Variants in CLMN observed in about 807,000 individuals in gnomAD.
The protein encoded by CLMN is calmin (calponin-like, transmembrane).
CLMN carries 57 observed loss-of-function variants against 92.7 expected under a neutral mutation model. The ratio of observed to expected loss-of-function variants is 0.61; its 90% CI spans 0.50 to 0.77. CLMN has a LOEUF of 0.77. Among genes scored for constraint, CLMN ranks in the 30% least tolerant of loss-of-function variants. CLMN has a pLI of 0.00. For missense variants in CLMN, 1,158 were observed against 1,237.5 expected, an observed-to-expected ratio of 0.94 and a Z score of 0.96; for synonymous variants, 466 against 470.6, an observed-to-expected ratio of 0.99 and a Z score of 0.13.
chr14:95,230,009 T>C, intron 2 of CLMN, 63 bp downstream of exon 2: 2 of 1,507,224 alleles, frequency 1.3e-6, no homozygotes, highest in South Asian at 2.2e-5. Context: ...CTCCACTCTC[T>C]GGAACTGTAA....
intron 1 of CLMN, among the ~76,000 whole-genome samples, chr14:95,278,198 G>A (rs1483130840): frequency 3.9e-5 from 6 of 152,196 alleles, no homozygotes; most frequent in Non-Finnish European, 8.8e-5. Context: ...GGTTTCACCT[G>A]GGAGGTTACC....
chr14:95,192,019 G>A lies in CLMN; in HGVS notation c.2841-287C>T, dbSNP rs116105199. On this transcript the variant is annotated intron_variant, in intron 12 of 12. Transcript: ENST00000298912. ...TGCAGATGGACACACTGAGGCTTTCGGGGTGGAGTGACTTGCCCAAGGCCA... is the reference window on the plus strand; with the variant it reads ...TGCAGATGGACACACTGAGGCTTTCAGGGTGGAGTGACTTGCCCAAGGCCA... 1.2e-3 allele frequency: 346 copies of A among 289,336 alleles called. 3 individuals carry two copies. Among genetic ancestry groups the A allele is most frequent in the African/African-American group, 7.1e-3 (326 of 45,914 alleles). The allele number at this position is 289,336 out of a possible 1,614,324, so 17.9% of individuals were successfully genotyped here. A position where few individuals can be genotyped will look rare whatever the true frequency, so the allele number is the denominator to read the frequency against.
intron 8 of CLMN, among the ~76,000 whole-genome samples, chr14:95,207,847 C>T (rs975221077): frequency 6.6e-6 from 1 of 152,162 alleles, no homozygotes; most frequent in African/African-American, 2.4e-5. Flanking sequence ...CTGGGAAGTT[C>T]TTCTGTACAA....
intron 1 of CLMN, among the ~76,000 whole-genome samples, chr14:95,248,451 T>TAA (rs574798449): frequency 9.7e-4 from 148 of 152,166 alleles, no homozygotes; most frequent in African/African-American, 3.3e-3. Context: ...GAGAGCGAGG[T>TAA]TTGAACCCCA....
chr14:95,270,937 A>T (rs2140720923), intron 1 of CLMN, among the ~76,000 whole-genome samples: 1 of 152,306 alleles, frequency 6.6e-6, no homozygotes, highest in African/African-American at 2.4e-5. Flanking sequence ...CTAGCAGTGC[A>T]TTGGGGTTCT....
At chr14:95,245,339 G>A (rs1016659026) in intron 1 of CLMN, among the ~76,000 whole-genome samples, 1 of 126,370 alleles carries the variant, frequency 7.9e-6, no homozygotes, top group African/African-American at 3.1e-5. Flanking sequence ...AAATGTCCAA[G>A]AATGTAGAGT....
In CLMN at chr14:95,212,352, G is replaced by A. The variant is rs545617747; in HGVS notation, c.608+867C>T. Among the ~76,000 whole-genome samples the A allele has an allele frequency of 1.1e-4, 16 of 152,288 alleles. No homozygotes were observed. In the South Asian group the frequency reaches 1.7e-3, roughly 16 times the overall value. On this transcript the variant is annotated intron_variant, in intron 6 of 12. Transcript: ENST00000298912. The stretch of plus-strand genomic sequence containing the variant: ...TACGCTGAGGAGCTGGGGCGGCCCC[G>A]AGTTGGTTTGGTTTCCACCACACTG...
intron 1 of CLMN, among the ~76,000 whole-genome samples, chr14:95,285,653 G>A (rs1192758348): frequency 6.6e-6 from 1 of 152,218 alleles, no homozygotes; most frequent in Non-Finnish European, 1.5e-5. Context: ...TGGAGGATCT[G>A]AGAAAATCTT....
At chr14:95,310,705 G>A (rs1180570906) in intron 1 of CLMN, among the ~76,000 whole-genome samples, 1 of 152,206 alleles carries the variant, frequency 6.6e-6, no homozygotes, top group Non-Finnish European at 1.5e-5. Context: ...AGATCACAGG[G>A]CTGTGAGTTC....
intron 1 of CLMN, among the ~76,000 whole-genome samples, chr14:95,248,742 C>T (rs1418787879): frequency 6.6e-6 from 1 of 152,114 alleles, no homozygotes; most frequent in Non-Finnish European, 1.5e-5. Context: ...AGAATCCTGT[C>T]TTCAAAGTCT....
In CLMN at chr14:95,203,412, G is replaced by A; in HGVS notation, c.1937C>T (p.Pro646Leu). ...CTTTTTATCCACTGGTGTCTCTTCT[G>A]GGGCTGAAGGACAGCCTTCAGCTTC... ...GEEAEGCPSAPEETPVDKKPE... is the reference protein window; with the variant it reads ...GEEAEGCPSALEETPVDKKPE... Residue 646 changes from proline to leucine, a missense_variant, in exon 9 of 13, where the codon CCA becomes CTA. Transcript: ENST00000298912. The A allele has an allele frequency of 6.2e-7, 1 of 1,614,082 alleles. No homozygotes were observed. Among genetic ancestry groups the A allele is most frequent in the South Asian group, 1.1e-5 (1 of 91,068 alleles).
At chr14:95,267,981 T>C (rs140555236) in intron 1 of CLMN, among the ~76,000 whole-genome samples, 447 of 152,108 alleles carry the variant, frequency 2.9e-3, no homozygotes, top group African/African-American at 9.5e-3. Flanking sequence ...CTCATGAAAA[T>C]AGAAAATGAA....
chr14:95,288,803 C>A (rs974982382), intron 1 of CLMN, among the ~76,000 whole-genome samples: 2 of 152,194 alleles, frequency 1.3e-5, no homozygotes, highest in African/African-American at 2.4e-5. Context: ...AAACTGGGAT[C>A]AATCCACTTG....
chr14:95,240,994 T>C (rs112165660), intron 1 of CLMN, among the ~76,000 whole-genome samples: 20,544 of 151,948 alleles, frequency 0.14, 2,401 homozygotes, highest in African/African-American at 0.31. Context: ...GGAAGAAAGG[T>C]GTGATCTGTT....
chr14:95,230,905 C>T (rs1416128064), intron 1 of CLMN, among the ~76,000 whole-genome samples: 1 of 152,228 alleles, frequency 6.6e-6, no homozygotes, highest in East Asian at 1.9e-4. Flanking sequence ...AGGACATAAA[C>T]CAGGAATGGA....
At chr14:95,301,238 T>G (rs947007381) in intron 1 of CLMN, among the ~76,000 whole-genome samples, 3 of 152,204 alleles carry the variant, frequency 2.0e-5, no homozygotes, top group Non-Finnish European at 4.4e-5. Flanking sequence ...GTTCCCATAA[T>G]TCTTGTGTGT....
intron 1 of CLMN, among the ~76,000 whole-genome samples, chr14:95,255,428 T>C (rs992091528): frequency 6.6e-6 from 1 of 152,210 alleles, no homozygotes; most frequent in Non-Finnish European, 1.5e-5. Flanking sequence ...ATTGATTTTA[T>C]TAGTCATTGT....
intron 1 of CLMN, among the ~76,000 whole-genome samples, chr14:95,261,701 G>T (rs969083241): frequency 6.6e-6 from 1 of 152,190 alleles, no homozygotes; most frequent in Non-Finnish European, 1.5e-5. Flanking sequence ...AACTGCTGTC[G>T]GGAAGGATGG....
intron 1 of CLMN, among the ~76,000 whole-genome samples, chr14:95,244,227 A>G (rs1898373053): frequency 6.6e-6 from 1 of 152,214 alleles, no homozygotes; most frequent in South Asian, 2.1e-4. Context: ...AGACTAATAC[A>G]GCTTCTCATC....
Sources: gnomAD v4.1 joint callset for allele counts (sites outside exome capture counted in the v4.1 genomes callset) on GRCh38, gnomAD v4.1.1 for gene constraint, MANE v1.5 for transcripts, NCBI Gene and HGNC (gene_info 2026-07-23, HGNC 2026-07-21) for gene names.